The following UVRAG variants were observed in gnomAD, a reference collection of about 807,000 sequenced individuals.
The protein encoded by UVRAG is UV radiation resistance-associated gene protein.
UVRAG carries 19 observed loss-of-function variants against 78.0 expected under a neutral mutation model. The observed-to-expected ratio is 0.24, with a 90% confidence interval of 0.17 to 0.36. The LOEUF (loss-of-function observed/expected upper bound fraction) is 0.36. UVRAG is among the 10% of genes least tolerant of loss of function. UVRAG has a pLI of 1.00. For missense variants in UVRAG, 740 were observed against 853.8 expected, an observed-to-expected ratio of 0.87 and a Z score of 1.66; for synonymous variants, 323 against 324.6, an observed-to-expected ratio of 1.00 and a Z score of 0.05.
In UVRAG at chr11:76,140,944, T is replaced by TAAC. The variant is rs1243908123; in HGVS notation, c.1633_1635dup (p.Thr545dup). The TAAC allele has an allele frequency of 9.9e-6, 16 of 1,613,962 alleles. No individual in the cohort carries two copies. The highest frequency in any genetic ancestry group is 2.7e-5 in the African/African-American group (2 of 74,876). ...TCCATGGGAGAGACCGAGAGAAAGA[T>TAAC]AACATCTCTATCCTCCTCCTTGGAT... is the stretch of plus-strand genomic sequence containing the variant. On this transcript the variant is annotated inframe_insertion, in exon 15 of 15. Transcript: ENST00000356136.
In UVRAG at chr11:75,982,997, G is replaced by A. The variant is rs550416920; in HGVS notation, c.700-390G>A. 1.4e-4 allele frequency among the ~76,000 whole-genome samples: 21 copies of A among 152,280 alleles called. No individual in the cohort carries two copies. The East Asian group carries it at 3.5e-3, about 25-fold the overall frequency. ...AGTATTCAGGTTTTTGTGTGGACAT[G>A]TGTTCAGTTCTCTTGGTATATACCT... On this transcript the variant is annotated intron_variant, in intron 7 of 14. Coordinates refer to ENST00000356136, the MANE Select transcript of UVRAG (RefSeq NM_003369.4).
At chr11:75,839,862 T>TATATATAG (rs146855804) in intron 1 of UVRAG, among the ~76,000 whole-genome samples, 2,149 of 148,982 alleles carry the variant, frequency 0.014, 47 homozygotes, top group African/African-American at 0.05. Context: ...CATATATATA[T>TATATATAG]AGAGAGAGAG....
At chr11:76,100,630 T>C (rs1191268031) in intron 13 of UVRAG, among the ~76,000 whole-genome samples, 1 of 152,162 alleles carries the variant, frequency 6.6e-6, no homozygotes, top group East Asian at 1.9e-4. Context: ...AAAAAACGTT[T>C]AGGGGTACAT....
intron 12 of UVRAG, among the ~76,000 whole-genome samples, chr11:76,027,576 G>C (rs1006560725): frequency 1.3e-5 from 2 of 151,928 alleles, no homozygotes; most frequent in African/African-American, 4.8e-5. Context: ...TCTGAGTCTT[G>C]GTTCTCCTGG....
chr11:76,004,195 A>G, intron 9 of UVRAG, 106 bp downstream of exon 9: 1 of 1,034,348 alleles, frequency 9.7e-7, no homozygotes, highest in East Asian at 2.6e-5. Context: ...TATAGCCCAT[A>G]TACCTCAGTA....
At chr11:76,025,822 T>G (rs1301217638) in intron 12 of UVRAG, among the ~76,000 whole-genome samples, 1 of 152,112 alleles carries the variant, frequency 6.6e-6, no homozygotes, top group African/African-American at 2.4e-5. Flanking sequence ...ACACCTTTTT[T>G]GTGACTAGGT....
intron 6 of UVRAG, among the ~76,000 whole-genome samples, chr11:75,928,939 C>CAAAAAAAAAAAAAAAAAAAAAA (rs368913080): frequency 3.0e-5 from 2 of 67,490 alleles, no homozygotes; most frequent in African/African-American, 1.6e-4. Context: ...GAGACTGTCT[C>CAAAAAAAAAAAAAAAAAAAAAA]AAAAAAAAAA....
chr11:75,860,617 G>A (rs1268849848), intron 2 of UVRAG, among the ~76,000 whole-genome samples: 1 of 152,058 alleles, frequency 6.6e-6, no homozygotes, highest in Non-Finnish European at 1.5e-5. Context: ...GGAATAATTG[G>A]TTAACCATTT....
chr11:76,112,974 A>G (rs1005138124), intron 13 of UVRAG, among the ~76,000 whole-genome samples: 2 of 152,000 alleles, frequency 1.3e-5, no homozygotes, highest in Admixed American at 6.6e-5. Context: ...AGCTTCCCAA[A>G]GTGCTGGGAT....
intron 13 of UVRAG, among the ~76,000 whole-genome samples, chr11:76,088,257 T>C (rs2134422439): frequency 6.6e-6 from 1 of 152,320 alleles, no homozygotes; most frequent in Non-Finnish European, 1.5e-5. Context: ...TTCCATTGGC[T>C]GATTTTTGTC....
chr11:76,119,478 C>G (rs1302470128), intron 14 of UVRAG, among the ~76,000 whole-genome samples: 2 of 152,154 alleles, frequency 1.3e-5, no homozygotes, highest in African/African-American at 4.8e-5. Context: ...AGCCAGGGGC[C>G]TACTTGACTC....
At chr11:75,828,805 A>ATATTT (rs1478310271) in intron 1 of UVRAG, among the ~76,000 whole-genome samples, 8 of 100,268 alleles carry the variant, frequency 8.0e-5, no homozygotes, top group African/African-American at 1.6e-4. Context: ...ATATATATAT[A>ATATTT]TTTTTTTTTT....
chr11:76,065,471 C>A (rs1207538295), intron 12 of UVRAG, among the ~76,000 whole-genome samples: 1 of 152,198 alleles, frequency 6.6e-6, no homozygotes, highest in Non-Finnish European at 1.5e-5. Flanking sequence ...TGGTCACTTT[C>A]TTAAACATTA....
intron 6 of UVRAG, among the ~76,000 whole-genome samples, chr11:75,951,365 A>T (rs962171371): frequency 4.2e-5 from 6 of 141,570 alleles, no homozygotes; most frequent in East Asian, 4.0e-4. Flanking sequence ...GTGTGTATAT[A>T]TTTTTTGTTT....
intron 8 of UVRAG, among the ~76,000 whole-genome samples, chr11:75,986,970 A>T (rs1054551857): frequency 6.6e-6 from 1 of 152,210 alleles, no homozygotes; most frequent in African/African-American, 2.4e-5. Context: ...ACATTCAGTT[A>T]TATGGATATG....
rs1353277896 is a variant in UVRAG at position 75,880,011 on chromosome 11, T to C, written c.403T>C (p.Leu135=). 6.2e-7 allele frequency: 1 copy of C among 1,614,170 alleles called. No homozygotes were observed. Among genetic ancestry groups the C allele is most frequent in the Admixed American group, 1.7e-5 (1 of 60,022 alleles). ...YQLLIEWKVC[L]DGLKYLGQQI... is the part of the protein sequence containing the mutation. ...GCTGTTGATTGAATGGAAAGTCTGTTTGGATGGGCTGAAATACTTGGGTCA... is the reference window on the plus strand; with the variant it reads ...GCTGTTGATTGAATGGAAAGTCTGTCTGGATGGGCTGAAATACTTGGGTCA... Residue 135 remains leucine (L), a synonymous_variant, in exon 4 of 15, where the codon TTG becomes CTG. Transcript: ENST00000356136.
At chr11:76,098,964 C>T (rs994036551) in intron 13 of UVRAG, among the ~76,000 whole-genome samples, 1 of 152,156 alleles carries the variant, frequency 6.6e-6, no homozygotes, top group Non-Finnish European at 1.5e-5. Flanking sequence ...CACACACGTT[C>T]ATCATACATG....
intron 12 of UVRAG, among the ~76,000 whole-genome samples, chr11:76,021,715 T>G (rs1051642969): frequency 6.6e-6 from 1 of 152,208 alleles, no homozygotes; most frequent in African/African-American, 2.4e-5. Context: ...TCAAAGTATT[T>G]TCTAATTTCC....
chr11:76,006,817 G>C (rs560286428), intron 9 of UVRAG, among the ~76,000 whole-genome samples: 30 of 151,852 alleles, frequency 2.0e-4, no homozygotes, highest in African/African-American at 7.0e-4. Context: ...AATACTTTTT[G>C]AGGAAATACC....
Sources: allele counts gnomAD v4.1 joint callset (sites outside exome capture counted in the v4.1 genomes callset), GRCh38; gene constraint gnomAD v4.1.1; transcripts MANE v1.5; gene names NCBI Gene and HGNC (gene_info 2026-07-23, HGNC 2026-07-21).